TEX9: variants seen among roughly 807,000 people sequenced by gnomAD.
TEX9 encodes the protein testis-expressed protein 9.
A neutral mutation model predicts 59.6 loss-of-function variants in TEX9; 74 were observed. That is an observed-to-expected ratio of 1.24 (90% CI 1.03 to 1.51). TEX9 has a LOEUF of 1.51. Ranked by LOEUF, TEX9 falls within the 40% of genes most tolerant of loss-of-function variation. The pLI, the probability that TEX9 is intolerant of heterozygous loss-of-function variation, is 0.00. For missense variants in TEX9, 522 were observed against 447.8 expected (o/e 1.17, Z -1.49); for synonymous variants, 186 against 152.2 (o/e 1.22, Z -1.64).
intron 9 of TEX9, among the ~76,000 whole-genome samples, chr15:56,401,326 A>C (rs1290662379): frequency 4.0e-5 from 6 of 150,650 alleles, no homozygotes; most frequent in South Asian, 2.1e-4. Context: ...AAAAAAAAAA[A>C]AAAAAACAGG....
chr15:56,287,329 G>A (rs1312641209), intron 1 of TEX9, among the ~76,000 whole-genome samples: 4 of 152,040 alleles, frequency 2.6e-5, no homozygotes, highest in African/African-American at 9.7e-5. Flanking sequence ...TGGTTTCAGG[G>A]ATGCTGGCAG....
intron 1 of TEX9, among the ~76,000 whole-genome samples, chr15:56,267,687 A>G (rs538995541): frequency 1.3e-5 from 2 of 151,954 alleles, no homozygotes; most frequent in Non-Finnish European, 2.9e-5. Flanking sequence ...ATTGATCTCT[A>G]TCTCTGTTTT....
chr15:56,415,238 A>G (rs745333075), intron 10 of TEX9, among the ~76,000 whole-genome samples: 6 of 151,882 alleles, frequency 4.0e-5, no homozygotes, highest in Non-Finnish European at 7.3e-5. Flanking sequence ...TCTTTAGTTT[A>G]AGTAGATCCC....
At chr15:56,350,159 C>T (rs140459216) in intron 1 of TEX9, among the ~76,000 whole-genome samples, 3 of 152,196 alleles carry the variant, frequency 2.0e-5, no homozygotes, top group African/African-American at 4.8e-5. Context: ...TTTGTATCCC[C>T]AATGCTTAGT....
intron 1 of TEX9, among the ~76,000 whole-genome samples, chr15:56,345,109 G>C (rs2046446029): frequency 6.7e-6 from 1 of 148,662 alleles, no homozygotes; most frequent in Non-Finnish European, 1.5e-5. Flanking sequence ...AATTTGAATT[G>C]TTTGACTTTC....
intron 7 of TEX9, among the ~76,000 whole-genome samples, chr15:56,393,099 AG>A (rs2048293886): frequency 6.6e-6 from 1 of 152,184 alleles, no homozygotes; most frequent in East Asian, 1.9e-4. Context: ...TCCTTGAGTT[AG>A]AGTTGAGGTA....
At chr15:56,261,264 C>G (rs528125279) in intron 1 of TEX9, among the ~76,000 whole-genome samples, 3 of 151,800 alleles carry the variant, frequency 2.0e-5, no homozygotes, top group South Asian at 2.1e-4. Context: ...ATTTTCTGTT[C>G]TTTTTCTAAC....
intron 3 of TEX9, among the ~76,000 whole-genome samples, chr15:56,377,888 G>A (rs1188467126): frequency 6.6e-6 from 1 of 152,116 alleles, no homozygotes; most frequent in African/African-American, 2.4e-5. Flanking sequence ...ATTGAGGTCT[G>A]TTCCTTTTAT....
chr15:56,264,644 A>C, intron 1 of TEX9, among the ~76,000 whole-genome samples: 1 of 152,216 alleles, frequency 6.6e-6, no homozygotes, highest in East Asian at 1.9e-4. Context: ...GTCCACAAAA[A>C]TTATTGACTA....
intron 3 of TEX9, among the ~76,000 whole-genome samples, chr15:56,377,336 G>T (rs1479562210): frequency 6.6e-6 from 1 of 152,056 alleles, no homozygotes; most frequent in Non-Finnish European, 1.5e-5. Flanking sequence ...TCTGTAGATT[G>T]CTTTGGGTAG....
chr15:56,345,113 G>T (rs1459959450), intron 1 of TEX9, among the ~76,000 whole-genome samples: 1 of 148,910 alleles, frequency 6.7e-6, no homozygotes, highest in Admixed American at 6.7e-5. Context: ...TGAATTGTTT[G>T]ACTTTCTTCC....
chr15:56,316,205 C>G (rs1190669407), intron 1 of TEX9, among the ~76,000 whole-genome samples: 16 of 148,970 alleles, frequency 1.1e-4, no homozygotes, highest in African/African-American at 3.9e-4. Flanking sequence ...GAACTGCGTT[C>G]CTTTGGAGGA....
chr15:56,289,867 T>C (rs1436870986), intron 1 of TEX9, among the ~76,000 whole-genome samples: 1 of 152,208 alleles, frequency 6.6e-6, no homozygotes, highest in African/African-American at 2.4e-5. Flanking sequence ...GAGGCACAGA[T>C]GCTTGTAAAG....
At chr15:56,292,218 T>C (rs2045111510) in intron 1 of TEX9, among the ~76,000 whole-genome samples, 1 of 152,206 alleles carries the variant, frequency 6.6e-6, no homozygotes. Context: ...CAGGTCTGTA[T>C]TGCCAGGGGT....
chr15:56,452,285 G>C, the TEX9 span, among the ~76,000 whole-genome samples: 3 of 152,098 alleles, frequency 2.0e-5, no homozygotes, highest in African/African-American at 7.2e-5. Flanking sequence ...GAGAAAACTA[G>C]GTGCAAAAGG....
rs145737146 is a variant in TEX9, at chr15:56,326,471, C to T, written c.-106-46970C>T. Reference sequence around the variant, plus strand: ...AATATAAAATATTTTTAAACATCCACGTTTTACATAAATAATCTGAGTTAT... The same window carrying T: ...AATATAAAATATTTTTAAACATCCATGTTTTACATAAATAATCTGAGTTAT... On this transcript the variant is annotated intron_variant, in intron 1 of 5. Coordinates refer to the TEX9 transcript ENST00000560827. Among the ~76,000 whole-genome samples the T allele has an allele frequency of 5.2e-3, 798 of 152,068 alleles. 3 individuals carry two copies. The highest frequency in any genetic ancestry group is 8.4e-3 in the Non-Finnish European group (571 of 67,994).
chr15:56,338,900 G>A (rs536978651), intron 1 of TEX9, among the ~76,000 whole-genome samples: 15 of 151,996 alleles, frequency 9.9e-5, no homozygotes, highest in African/African-American at 2.2e-4. Flanking sequence ...CCTGGGCAAC[G>A]AGAGTGAAAC....
At chr15:56,364,104 TA>T (rs2046845872), upstream of TEX9, among the ~76,000 whole-genome samples, 1 of 152,200 alleles carries the variant, frequency 6.6e-6, no homozygotes, top group Non-Finnish European at 1.5e-5. Context: ...CTTTTGAAAC[TA>T]AAGGTTTTTA....
chr15:56,357,753 TATC>T (rs1210968809), intron 1 of TEX9, among the ~76,000 whole-genome samples: 1 of 152,198 alleles, frequency 6.6e-6, no homozygotes, highest in Non-Finnish European at 1.5e-5. Flanking sequence ...TTTGATTATT[TATC>T]ATATTTGCCT....
Sources: gnomAD v4.1 joint callset for allele counts (sites outside exome capture counted in the v4.1 genomes callset) on GRCh38, gnomAD v4.1.1 for gene constraint, MANE v1.5 for transcripts, NCBI Gene and HGNC (gene_info 2026-07-23, HGNC 2026-07-21) for gene names.